The following ACBD6 variants were observed in gnomAD, a reference collection of about 807,000 sequenced individuals.
ACBD6 encodes acyl-CoA binding domain containing 6.
Under a neutral mutation model 37.2 loss-of-function variants are expected in ACBD6, and 28 were observed. The ratio of observed to expected loss-of-function variants is 0.75; its 90% confidence interval spans 0.56 to 1.03. The LOEUF (loss-of-function observed/expected upper bound fraction) is 1.03, where lower values mean the gene tolerates loss of function less well. Ranked by LOEUF, ACBD6 falls within the 50% of genes least tolerant of loss-of-function variation. The pLI is 0.00. For missense variants in ACBD6, 340 were observed against 337.4 expected (o/e 1.01, Z -0.06); for synonymous variants, 113 against 126.8 (o/e 0.89, Z 0.73).
intron 3 of ACBD6, among the ~76,000 whole-genome samples, chr1:180,476,802 G>T (rs777664334): frequency 3.3e-5 from 5 of 152,066 alleles, no homozygotes; most frequent in South Asian, 4.1e-4. Context: ...CTCAGCCTGG[G>T]CAACAGAGTG....
At chr1:180,308,553 A>T (rs886180336) in intron 7 of ACBD6, among the ~76,000 whole-genome samples, 17 of 152,238 alleles carry the variant, frequency 1.1e-4, no homozygotes, top group Non-Finnish European at 2.1e-4. Flanking sequence ...CTCAAATGCT[A>T]GTCTGAAGCA....
chr1:180,336,728 GT>G (rs1185078812), intron 6 of ACBD6, among the ~76,000 whole-genome samples: 1 of 151,780 alleles, frequency 6.6e-6, no homozygotes, highest in Non-Finnish European at 1.5e-5. Flanking sequence ...CCAGGAGCTG[GT>G]TTTTTGAAAA....
At chr1:180,322,599 C>A (rs1199425846) in intron 6 of ACBD6, among the ~76,000 whole-genome samples, 1 of 151,920 alleles carries the variant, frequency 6.6e-6, no homozygotes, top group Admixed American at 6.6e-5. Flanking sequence ...TATGTGTCTA[C>A]AAATTTCCCC....
At chr1:180,470,365 A>T (rs1242749476) in intron 3 of ACBD6, among the ~76,000 whole-genome samples, 1 of 152,136 alleles carries the variant, frequency 6.6e-6, no homozygotes, top group Admixed American at 6.5e-5. Context: ...CTTAGTCTTT[A>T]CTCTCTAAAC....
chr1:180,366,536 T>G (rs1382004463), intron 6 of ACBD6, among the ~76,000 whole-genome samples: 1 of 152,152 alleles, frequency 6.6e-6, no homozygotes, highest in Non-Finnish European at 1.5e-5. Flanking sequence ...GTCCTATAAT[T>G]CAGTTAGATG....
At chr1:180,439,255 G>C (rs867525312) in intron 3 of ACBD6, among the ~76,000 whole-genome samples, 4 of 152,094 alleles carry the variant, frequency 2.6e-5, no homozygotes, top group Non-Finnish European at 5.9e-5. Context: ...ATGGGATTCT[G>C]GGAGATAAAA....
chr1:180,449,557 G>A (rs990561613), intron 3 of ACBD6, among the ~76,000 whole-genome samples: 1 of 151,772 alleles, frequency 6.6e-6, no homozygotes, highest in African/African-American at 2.4e-5. Flanking sequence ...ACAGGTGCCC[G>A]CCACCACACC....
chr1:180,329,057 AT>A (rs1329304197), intron 6 of ACBD6, among the ~76,000 whole-genome samples: 2 of 152,158 alleles, frequency 1.3e-5, no homozygotes, highest in African/African-American at 4.8e-5. Context: ...GCATATAATT[AT>A]TTCTAACACA....
At chr1:180,429,295 G>T (rs1248815819) in intron 4 of ACBD6, among the ~76,000 whole-genome samples, 2 of 151,984 alleles carry the variant, frequency 1.3e-5, no homozygotes, top group Non-Finnish European at 2.9e-5. Context: ...TCTGATTTTT[G>T]AATCCTTTCT....
At chr1:180,418,473 G>C (rs1648193312) in intron 4 of ACBD6, among the ~76,000 whole-genome samples, 1 of 151,926 alleles carries the variant, frequency 6.6e-6, no homozygotes, top group Admixed American at 6.6e-5. Flanking sequence ...TACCTATTTG[G>C]GAAGCTAAGG....
At chr1:180,483,030 G>A (rs548313016) in intron 3 of ACBD6, among the ~76,000 whole-genome samples, 17 of 152,170 alleles carry the variant, frequency 1.1e-4, no homozygotes, top group African/African-American at 3.9e-4. Flanking sequence ...AGTATATTTC[G>A]CTTCTCAGAG....
In ACBD6 at chr1:180,467,472, A is replaced by AAAC. The variant is rs370655998; in HGVS notation, c.384+24796_384+24797insGTT. ...GCAAAAAAAAAAAAAAAAAAAAAAA[A>AAAC]CAAAAACAAACAAACAAAAAAACTT... On this transcript the variant is annotated intron_variant, in intron 3 of 7. Transcript: ENST00000367595. Among the ~76,000 whole-genome samples the AAAC allele has an allele frequency of 3.9e-3, 443 of 114,486 alleles. 12 individuals are homozygous for AAAC. The highest frequency in any genetic ancestry group is 9.5e-3 in the African/African-American group (259 of 27,388). The allele number at this position is 114,486 out of a possible 152,430, so 75.1% of individuals were successfully genotyped here. A position where few individuals can be genotyped will look rare whatever the true frequency, so the allele number is the denominator to read the frequency against.
In ACBD6 at chr1:180,493,818, ATT is replaced by A. The variant is rs373128910; in HGVS notation, c.288-1455_288-1454del. ...TATCTTCAGCTTTTTTGTCTTCCAC[ATT>A]GTTGGTATTTTTTAAGAGTCCAACT... is the stretch of plus-strand genomic sequence containing the variant. On this transcript the variant is annotated intron_variant, in intron 2 of 7. Transcript: ENST00000367595. 7.2e-4 allele frequency among the ~76,000 whole-genome samples: 110 copies of A among 152,268 alleles called. 1 individual carries two copies. In the East Asian group the frequency reaches 0.014, roughly 19 times the overall value.
chr1:180,462,507 G>A (rs754823206), intron 3 of ACBD6, among the ~76,000 whole-genome samples: 10 of 152,126 alleles, frequency 6.6e-5, no homozygotes, highest in Non-Finnish European at 1.2e-4. Flanking sequence ...ATGTTAAGGG[G>A]TTCAATTCAA....
chr1:180,453,260 A>C lies in ACBD6; in HGVS notation c.385-22998T>G, dbSNP rs905824550. On this transcript the variant is annotated intron_variant, in intron 3 of 7. Coordinates refer to ENST00000367595, the MANE Select transcript of ACBD6 (RefSeq NM_032360.4). ...ATCTCTGGGATGCAAGGCTGGTTCA[A>C]CATATGCAAATCAATAAATATAATC... Among the ~76,000 whole-genome samples, 4 of 152,262 alleles carry C rather than the reference A, an allele frequency of 2.6e-5. No individual in the cohort carries two copies. In the East Asian group the frequency reaches 7.7e-4, roughly 29 times the overall value.
intron 3 of ACBD6, among the ~76,000 whole-genome samples, chr1:180,468,209 G>A (rs999735194): frequency 1.3e-5 from 2 of 152,148 alleles, no homozygotes; most frequent in African/African-American, 4.8e-5. Context: ...GCCTATCCTT[G>A]GGCAAAGTTT....
chr1:180,315,556 A>C (rs1333298050), intron 6 of ACBD6, among the ~76,000 whole-genome samples: 2 of 152,194 alleles, frequency 1.3e-5, no homozygotes, highest in Non-Finnish European at 2.9e-5. Context: ...ATAACTTGGA[A>C]GGGTGATGTT....
chr1:180,388,890 C>T (rs1203049044), intron 6 of ACBD6, among the ~76,000 whole-genome samples: 4 of 152,080 alleles, frequency 2.6e-5, no homozygotes, highest in African/African-American at 9.7e-5. Flanking sequence ...AACTATAAAA[C>T]ATCAAATGAA....
At chr1:180,334,424 G>A (rs570217212) in intron 6 of ACBD6, among the ~76,000 whole-genome samples, 2 of 152,284 alleles carry the variant, frequency 1.3e-5, no homozygotes, top group East Asian at 3.9e-4. Flanking sequence ...TGGACCTCCA[G>A]TAAACTCCTA....
Sources: allele counts gnomAD v4.1 joint callset (sites outside exome capture counted in the v4.1 genomes callset), GRCh38; gene constraint gnomAD v4.1.1; transcripts MANE v1.5; gene names NCBI Gene and HGNC (gene_info 2026-07-23, HGNC 2026-07-21).